The following ZNF430 variants were observed in gnomAD, a reference collection of about 807,000 sequenced individuals.
ZNF430 encodes the protein zinc finger protein 430.
A neutral mutation model predicts 56.7 loss-of-function variants in ZNF430; 35 were observed. The ratio of observed to expected loss-of-function variants is 0.62; its 90% confidence interval spans 0.47 to 0.82. ZNF430 has a LOEUF of 0.82. Ranked by LOEUF, ZNF430 falls within the 40% of genes least tolerant of loss-of-function variation. The pLI, the probability that ZNF430 is intolerant of heterozygous loss-of-function variation, is 0.00. For synonymous variants in ZNF430, 212 were observed against 224.3 expected (o/e 0.94, Z 0.49); for missense variants, 574 against 661.0 (o/e 0.87, Z 1.44).
intron 2 of ZNF430, among the ~76,000 whole-genome samples, chr19:21,031,789 C>G (rs1312291568): frequency 1.3e-5 from 2 of 152,100 alleles, no homozygotes; most frequent in African/African-American, 4.8e-5. Flanking sequence ...GCTGTGTGCA[C>G]TCTGCTTCAT....
At chr19:21,039,563 TTCAA>T (rs1968067182) in intron 4 of ZNF430, among the ~76,000 whole-genome samples, 1 of 150,802 alleles carries the variant, frequency 6.6e-6, no homozygotes, top group African/African-American at 2.4e-5. Context: ...GCCTCACAGG[TTCAA>T]GCAATACTCC....
chr19:21,036,237 T>G (rs1176764934), intron 4 of ZNF430: 1 of 194,454 alleles, frequency 5.1e-6, no homozygotes, highest in East Asian at 1.8e-4. Context: ...TATCTATAAA[T>G]ATGACCCCAA....
intron 2 of ZNF430, among the ~76,000 whole-genome samples, chr19:21,030,372 A>G (rs1055264956): frequency 6.6e-6 from 1 of 152,246 alleles, no homozygotes; most frequent in Admixed American, 6.5e-5. Context: ...AACACTTAGT[A>G]TCAACTTCCA....
rs1974283506 is a variant in ZNF430, at chr19:21,020,820, C to T, written c.3+17C>T. On this transcript the variant is annotated intron_variant, in intron 1 of 4. Transcript: ENST00000261560. ...CTAGAAATGGTGAGAGTGCCGGGTC[C>T]GACATCCCCAGAGAGGGGAGGGGCT... 2 of 1,613,828 alleles carry T rather than the reference C, an allele frequency of 1.2e-6. No individual in the cohort carries two copies. The highest frequency in any genetic ancestry group is 1.3e-5 in the African/African-American group (1 of 75,036).
intron 1 of ZNF430, among the ~76,000 whole-genome samples, 166 bp from the exon 2 acceptor site, chr19:21,022,623 G>C (rs375794179): frequency 1.2e-3 from 185 of 152,076 alleles, no homozygotes; most frequent in African/African-American, 4.2e-3. Context: ...TTTGGGTCAG[G>C]GTTTTCCTTT....
intron 2 of ZNF430, among the ~76,000 whole-genome samples, chr19:21,024,484 T>G (rs73926912): frequency 0.059 from 9,033 of 151,942 alleles, 664 homozygotes; most frequent in African/African-American, 0.18. Context: ...CAAACAAAAT[T>G]AGAAGTTGGA....
intron 4 of ZNF430, among the ~76,000 whole-genome samples, chr19:21,053,085 A>G (rs1968311301): frequency 6.6e-6 from 1 of 152,156 alleles, no homozygotes; most frequent in Non-Finnish European, 1.5e-5. Flanking sequence ...GCGACTGTTC[A>G]GGACTCTTCA....
chr19:21,043,170 C>T (rs141794898), intron 4 of ZNF430, among the ~76,000 whole-genome samples: 49 of 152,162 alleles, frequency 3.2e-4, no homozygotes, highest in African/African-American at 1.1e-3. Context: ...TTGCTTTTGA[C>T]GTTTTCATGA....
intron 4 of ZNF430, among the ~76,000 whole-genome samples, chr19:21,040,457 C>T (rs796333127): frequency 3.3e-5 from 5 of 152,162 alleles, no homozygotes; most frequent in Admixed American, 3.3e-4. Flanking sequence ...AATAACCTGT[C>T]TCCTTCACCT....
intron 2 of ZNF430, among the ~76,000 whole-genome samples, chr19:21,027,323 A>G (rs1360907203): frequency 6.6e-6 from 1 of 152,196 alleles, no homozygotes; most frequent in African/African-American, 2.4e-5. Context: ...TATACCTTCA[A>G]TGCCTAGTTT....
chr19:21,041,072 C>T (rs971877822), intron 4 of ZNF430, among the ~76,000 whole-genome samples: 9 of 152,068 alleles, frequency 5.9e-5, no homozygotes, highest in Admixed American at 2.0e-4. Context: ...TTATAGACAG[C>T]GTATTGTATG....
Position 21,020,811 on chromosome 19 carries a change from T to C in ZNF430, c.3+8T>C, listed in dbSNP as rs977894706. 3.1e-6 allele frequency: 5 copies of C among 1,613,460 alleles called. No individual in the cohort carries two copies. The African/African-American group carries it at 6.7e-5, about 22-fold the overall frequency. ...CCTGGAAGCCTAGAAATGGTGAGAG[T>C]GCCGGGTCCGACATCCCCAGAGAGG... is the stretch of plus-strand genomic sequence containing the variant. On this transcript the variant is annotated splice_region_variant and intron_variant, in intron 1 of 4. Transcript: ENST00000261560.
intron 2 of ZNF430, among the ~76,000 whole-genome samples, chr19:21,027,600 T>C (rs1421830451): frequency 6.7e-6 from 1 of 148,902 alleles, no homozygotes; most frequent in Non-Finnish European, 1.5e-5. Flanking sequence ...TGAAGTTTTC[T>C]TTTTTTTTTA....
Position 21,058,660 on chromosome 19 carries a change from A to G in ZNF430, c.*639A>G. 1 of 154,270 alleles carries G rather than the reference A, an allele frequency of 6.5e-6. No individual in the cohort carries two copies. The highest frequency in any genetic ancestry group is 1.5e-5 in the Non-Finnish European group (1 of 68,212). The allele number at this position is 154,270 out of a possible 1,614,324, so 9.6% of individuals were successfully genotyped here. A position where few individuals can be genotyped will look rare whatever the true frequency, so the allele number is the denominator to read the frequency against. On this transcript the variant is annotated 3_prime_UTR_variant, in exon 5 of 5. Transcript: ENST00000261560. ...ACTGAAGAAAACTTCTACAAGTGTG[A>G]ACAGTGTGGCAAAACTTTTAATGAA... is the stretch of plus-strand genomic sequence containing the variant.
intron 2 of ZNF430, among the ~76,000 whole-genome samples, chr19:21,032,760 G>T (rs1967926303): frequency 6.6e-6 from 1 of 151,872 alleles, no homozygotes; most frequent in Non-Finnish European, 1.5e-5. Flanking sequence ...AAATTTAGAA[G>T]TTCAGACTTT....
At chr19:21,024,582 A>C (rs965225470) in intron 2 of ZNF430, among the ~76,000 whole-genome samples, 1 of 152,082 alleles carries the variant, frequency 6.6e-6, no homozygotes, top group Non-Finnish European at 1.5e-5. Flanking sequence ...GATGGAGACC[A>C]TCCTGGCTAA....
intron 4 of ZNF430, among the ~76,000 whole-genome samples, chr19:21,051,003 G>A (rs1968274232): frequency 6.6e-6 from 1 of 152,012 alleles, no homozygotes; most frequent in South Asian, 2.1e-4. Flanking sequence ...ACTCCAGCCT[G>A]GGCAACAGAG....
At chr19:21,033,428 G>A (rs764613113) in intron 2 of ZNF430, 28 bp from the exon 3 acceptor site, 28 of 1,596,546 alleles carry the variant, frequency 1.8e-5, no homozygotes, top group South Asian at 7.9e-5. Flanking sequence ...GTAAATATAC[G>A]TGTGTCTTGT....
At chr19:21,042,035 T>C (rs1277079542) in intron 4 of ZNF430, among the ~76,000 whole-genome samples, 3 of 152,176 alleles carry the variant, frequency 2.0e-5, no homozygotes, top group Non-Finnish European at 2.9e-5. Flanking sequence ...TGTTCGGCTC[T>C]CACTTACGAG....
Sources: allele counts gnomAD v4.1 joint callset (sites outside exome capture counted in the v4.1 genomes callset), GRCh38; gene constraint gnomAD v4.1.1; transcripts MANE v1.5; gene names NCBI Gene and HGNC (gene_info 2026-07-23, HGNC 2026-07-21).